The following HACD2 variants were observed in gnomAD, a reference collection of about 807,000 sequenced individuals.
HACD2 encodes 3-hydroxyacyl-CoA dehydratase 2.
Under a neutral mutation model 31.0 loss-of-function variants are expected in HACD2, and 15 were observed. That is an observed-to-expected ratio of 0.48 (90% CI 0.32 to 0.75). HACD2 has a LOEUF of 0.75. Ranked by LOEUF, HACD2 falls within the 30% of genes least tolerant of loss-of-function variation. The pLI, the probability that HACD2 is intolerant of heterozygous loss-of-function variation, is 0.03. For missense variants in HACD2, 283 were observed against 313.0 expected, an observed-to-expected ratio of 0.90 and a Z score of 0.72; for synonymous variants, 115 against 122.2, an observed-to-expected ratio of 0.94 and a Z score of 0.39.
intron 3 of HACD2, among the ~76,000 whole-genome samples, chr3:123,549,428 C>G (rs1391686213): frequency 6.6e-6 from 1 of 152,132 alleles, no homozygotes; most frequent in Non-Finnish European, 1.5e-5. Context: ...CTCAAGAAGG[C>G]TGTGAAGAAG....
chr3:123,506,776 GT>G (rs571084267), intron 4 of HACD2, among the ~76,000 whole-genome samples: 168 of 152,208 alleles, frequency 1.1e-3, no homozygotes, highest in African/African-American at 3.8e-3. Flanking sequence ...CATTTTTATG[GT>G]AAGTGGGGAG....
intron 3 of HACD2, among the ~76,000 whole-genome samples, chr3:123,537,667 T>C (rs1024564886): frequency 6.6e-6 from 1 of 152,088 alleles, no homozygotes; most frequent in Non-Finnish European, 1.5e-5. Context: ...ATGAAAAATG[T>C]CTTTTTCATG....
At chr3:123,508,754 C>G (rs567583204) in intron 4 of HACD2, among the ~76,000 whole-genome samples, 1 of 152,262 alleles carries the variant, frequency 6.6e-6, no homozygotes, top group African/African-American at 2.4e-5. Context: ...TTGTCTTAGT[C>G]TGCTCAGGCT....
chr3:123,559,720 T>C (rs1173412421), intron 3 of HACD2, among the ~76,000 whole-genome samples: 2 of 152,126 alleles, frequency 1.3e-5, no homozygotes, highest in African/African-American at 4.8e-5. Context: ...CAATAATAGG[T>C]TTCCATTCCA....
In HACD2 at chr3:123,491,857, T is replaced by G. The variant is rs148702488; in HGVS notation, c.*3031A>C. 1.6e-4 allele frequency: 25 copies of G among 152,660 alleles called. No individual in the cohort carries two copies. The East Asian group carries it at 2.5e-3, about 15-fold the overall frequency. The allele number at this position is 152,660 out of a possible 1,614,324, so 9.5% of individuals were successfully genotyped here. A position where few individuals can be genotyped will look rare whatever the true frequency, so the allele number is the denominator to read the frequency against. On this transcript the variant is annotated 3_prime_UTR_variant, in exon 7 of 7. Transcript: ENST00000383657. ...TTACCCAAATTTCAAAGGAGCAGTA[T>G]GTATTGAATTTAATGTTTTATAATG...
chr3:123,578,531 A>G (rs1178701564), intron 2 of HACD2, among the ~76,000 whole-genome samples: 1 of 152,134 alleles, frequency 6.6e-6, no homozygotes, highest in Non-Finnish European at 1.5e-5. Flanking sequence ...TCAGCCTCCT[A>G]AAGTGCTGGG....
chr3:123,535,591 GT>G (rs1559915767), intron 3 of HACD2, among the ~76,000 whole-genome samples: 1 of 152,216 alleles, frequency 6.6e-6, no homozygotes, highest in Non-Finnish European at 1.5e-5. Context: ...AATCCTGAAT[GT>G]TTATTAATGA....
intron 3 of HACD2, 22 bp downstream of exon 3, chr3:123,567,740 A>T: frequency 7.0e-7 from 1 of 1,429,222 alleles, no homozygotes; most frequent in Non-Finnish European, 9.4e-7. Context: ...TGTACATAGT[A>T]GGGGGGAATA....
intron 4 of HACD2, among the ~76,000 whole-genome samples, chr3:123,525,036 T>C (rs1236190403): frequency 2.6e-5 from 4 of 152,166 alleles, no homozygotes; most frequent in African/African-American, 9.7e-5. Flanking sequence ...ACCAATGCTA[T>C]TGTAAAAAAT....
In HACD2 at chr3:123,551,659, C is replaced by T. The variant is rs571625940; in HGVS notation, c.292+16103G>A. ...AAAAAAGAAAAATTAATAATAAATA[C>T]TTGTGGGTTTTCTGGAGGGACACTG... On this transcript the variant is annotated intron_variant, in intron 3 of 6. Coordinates refer to ENST00000383657, the MANE Select transcript of HACD2 (RefSeq NM_198402.5). Among the ~76,000 whole-genome samples the T allele has an allele frequency of 2.0e-5, 3 of 151,408 alleles. No homozygotes were observed. The South Asian group carries it at 6.3e-4, about 32-fold the overall frequency.
rs1576738681 is a variant in HACD2 at position 123,512,932 on chromosome 3, C to G, written c.382-10251G>C. 4.6e-5 allele frequency among the ~76,000 whole-genome samples: 7 copies of G among 152,238 alleles called. No individual in the cohort carries two copies. In the South Asian group the frequency reaches 1.5e-3, roughly 32 times the overall value. On this transcript the variant is annotated intron_variant, in intron 4 of 6. Transcript: ENST00000383657. ...CAGTAGCAGTGAGCACCTCATCTAC[C>G]CAGATCCTGGATCCTAAGTTACCAT...
Position 123,504,668 on chromosome 3 carries a change from G to A in HACD2, c.382-1987C>T, listed in dbSNP as rs554234601. Among the ~76,000 whole-genome samples, 7 of 152,280 alleles carry A rather than the reference G, an allele frequency of 4.6e-5. No individual in the cohort carries two copies. In the East Asian group the frequency reaches 1.3e-3, roughly 29 times the overall value. On this transcript the variant is annotated intron_variant, in intron 4 of 6. Coordinates refer to ENST00000383657, the MANE Select transcript of HACD2 (RefSeq NM_198402.5). ...AAGAACTATGACAAACTCAGACTCA[G>A]GCTAAGTATGAAAGCAGTCTGTTCC... is the stretch of plus-strand genomic sequence containing the variant.
chr3:123,532,786 A>G (rs1016739459), intron 3 of HACD2, among the ~76,000 whole-genome samples: 1 of 151,000 alleles, frequency 6.6e-6, no homozygotes, highest in Non-Finnish European at 1.5e-5. Context: ...GTGAGCCGAA[A>G]ACGTGCCACT....
chr3:123,566,583 C>T (rs895633028), intron 3 of HACD2, among the ~76,000 whole-genome samples: 5 of 150,514 alleles, frequency 3.3e-5, no homozygotes, highest in African/African-American at 1.2e-4. Context: ...CACACCTGGC[C>T]CAAGGTGCAA....
chr3:123,521,600 C>CA (rs550514768), intron 4 of HACD2, among the ~76,000 whole-genome samples: 6,306 of 118,310 alleles, frequency 0.053, 146 homozygotes, highest in Middle Eastern at 0.11. Context: ...GTGAGAGAGC[C>CA]AAAAAAAAAA....
intron 3 of HACD2, among the ~76,000 whole-genome samples, chr3:123,544,649 A>G (rs1021603740): frequency 6.6e-5 from 10 of 152,196 alleles, no homozygotes; most frequent in Admixed American, 4.6e-4. Flanking sequence ...ATAAAATGTT[A>G]ACTTTTATTT....
chr3:123,494,422 T>C lies in HACD2; in HGVS notation c.*466A>G, dbSNP rs925915739. On this transcript the variant is annotated 3_prime_UTR_variant, in exon 7 of 7. Coordinates refer to ENST00000383657, the MANE Select transcript of HACD2 (RefSeq NM_198402.5). ...AGAACAGAGTTTGCCGCTTCAAAAA[T>C]ACAAAGTTTCCAGCATGCAGTCAAG... 5.6e-6 allele frequency: 1 copy of C among 179,920 alleles called. No homozygotes were observed. Among genetic ancestry groups the C allele is most frequent in the Non-Finnish European group, 1.1e-5 (1 of 87,996 alleles). 11.1% of individuals were successfully genotyped at this position (179,920 alleles called of 1,614,324 possible). A position where few individuals can be genotyped will look rare whatever the true frequency, so the allele number is the denominator to read the frequency against.
intron 3 of HACD2, among the ~76,000 whole-genome samples, chr3:123,550,921 C>A (rs2056613331): frequency 6.6e-6 from 1 of 152,098 alleles, no homozygotes; most frequent in South Asian, 2.1e-4. Flanking sequence ...GAAAGAAGAA[C>A]CCATGAGGGA....
chr3:123,574,698 T>C (rs1278488860), intron 2 of HACD2, among the ~76,000 whole-genome samples: 1 of 152,116 alleles, frequency 6.6e-6, no homozygotes, highest in East Asian at 1.9e-4. Flanking sequence ...ATGTGATATA[T>C]AAATATATAC....
Sources: allele counts gnomAD v4.1 joint callset (sites outside exome capture counted in the v4.1 genomes callset), GRCh38; gene constraint gnomAD v4.1.1; transcripts MANE v1.5; gene names NCBI Gene and HGNC (gene_info 2026-07-23, HGNC 2026-07-21).